SPTA1: variants seen among roughly 807,000 people sequenced by gnomAD.
SPTA1 encodes spectrin alpha chain, erythrocytic 1.
SPTA1 carries 177 observed loss-of-function variants against 324.7 expected under a neutral mutation model. That is an observed-to-expected ratio of 0.55 (90% CI 0.48 to 0.62). The LOEUF is 0.62. Ranked by LOEUF, SPTA1 falls within the 20% of genes least tolerant of loss-of-function variation. The probability of loss-of-function intolerance (pLI) is 0.00; values close to 1 mark genes in which losing one functional copy is unlikely to be tolerated. For synonymous variants in SPTA1, 1,195 were observed against 1,041.3 expected (o/e 1.15, Z -2.84); for missense variants, 3,162 against 2,883.6 (o/e 1.10, Z -2.21).
At chr1:158,665,684 G>A (rs1341153260) in intron 16 of SPTA1, among the ~76,000 whole-genome samples, 1 of 152,150 alleles carries the variant, frequency 6.6e-6, no homozygotes, top group Non-Finnish European at 1.5e-5. Flanking sequence ...TGGCTCTGTT[G>A]TTAATTTTCG....
chr1:158,634,917 CTT>C (rs1650954533), intron 38 of SPTA1, among the ~76,000 whole-genome samples: 1 of 152,136 alleles, frequency 6.6e-6, no homozygotes, highest in African/African-American at 2.4e-5. Flanking sequence ...TCTTAAGAAA[CTT>C]TGCTGGAGGG....
rs7542279 is a variant in SPTA1 at position 158,665,066 on chromosome 1, C to T, written c.2220+1250G>A. 8.8e-3 allele frequency among the ~76,000 whole-genome samples: 1,338 copies of T among 152,190 alleles called. 18 individuals carry two copies. The highest frequency in any genetic ancestry group is 0.03 in the African/African-American group (1,260 of 41,512). ...GCATGTATCATTTCTTTGCCTCTAC[C>T]CACATTAGGAGTTCAAATTCCTGGT... On this transcript the variant is annotated intron_variant, in intron 16 of 51. Coordinates refer to ENST00000643759, the MANE Select transcript of SPTA1 (RefSeq NM_003126.4).
Position 158,680,734 on chromosome 1 carries a change from A to G in SPTA1, c.532-5T>C. On this transcript the variant is annotated splice_polypyrimidine_tract_variant and splice_region_variant and intron_variant, in intron 4 of 51. Transcript: ENST00000643759. ...CACTGATGTCGCTATAGCCTCCTGT[A>G]GACACAGAAGTTGATTGAGTTGCCA... The G allele has an allele frequency of 6.2e-7, 1 of 1,613,578 alleles. No individual in the cohort carries two copies. Among genetic ancestry groups the G allele is most frequent in the Non-Finnish European group, 8.5e-7 (1 of 1,179,748 alleles).
At chr1:158,649,634 T>G (rs1652270231) in intron 25 of SPTA1, among the ~76,000 whole-genome samples, 1 of 152,224 alleles carries the variant, frequency 6.6e-6, no homozygotes, top group Admixed American at 6.5e-5. Context: ...ACTAATTATG[T>G]TCCAAGGCCC....
chr1:158,680,043 A>G (rs420284), intron 5 of SPTA1, among the ~76,000 whole-genome samples: 11 of 152,066 alleles, frequency 7.2e-5, no homozygotes, highest in Non-Finnish European at 1.5e-4. Context: ...ATACTTACAT[A>G]TACATGTAAA....
chr1:158,627,099 T>C, intron 40 of SPTA1, 92 bp from the exon 41 acceptor site: 1 of 1,516,656 alleles, frequency 6.6e-7, no homozygotes, highest in Non-Finnish European at 9.1e-7. Context: ...ATCTCTCCCA[T>C]TTCAAATATA....
intron 21 of SPTA1, among the ~76,000 whole-genome samples, 173 bp downstream of exon 21, chr1:158,654,438 T>C (rs112405564): frequency 0.012 from 1,852 of 152,316 alleles, 33 homozygotes; most frequent in African/African-American, 0.042. Flanking sequence ...AAGATATGTG[T>C]AGGATCCTGC....
Position 158,638,139 on chromosome 1 carries a change from A to G in SPTA1, c.5083T>C (p.Phe1695Leu). 3 of 1,614,060 alleles carry G rather than the reference A, an allele frequency of 1.9e-6. No individual in the cohort carries two copies. The highest frequency in any genetic ancestry group is 1.7e-5 in the Admixed American group (1 of 59,956). Residue 1695 changes from phenylalanine (F) to leucine (L), a missense_variant, in exon 36 of 52, where the codon TTC becomes CTC. By Grantham distance (22) the Phe-to-Leu change is conservative. Coordinates refer to ENST00000643759, the MANE Select transcript of SPTA1 (RefSeq NM_003126.4). ...VKKKDNVNKR[F>L]LNVQELAAAH... The stretch of plus-strand genomic sequence containing the variant: ...GCTGCCAATTCTTGGACATTCAGGA[A>G]ACGCTTGTTGACATTATCTTTTTTC...
rs371752399 is a variant in SPTA1 at position 158,623,179 on chromosome 1, G to A, written c.5924C>T (p.Ala1975Val). ...TLLAKQDTLD[A>V]SLQSFQQERL... Reference sequence around the variant, plus strand: ...CTCTTGCTGGAAACTCTGCAGACTGGCATCCAGAGTGTCCTGAGAAAGATC... The same window carrying A: ...CTCTTGCTGGAAACTCTGCAGACTGACATCCAGAGTGTCCTGAGAAAGATC... Residue 1975 changes from alanine (A) to valine (V), a missense_variant, in exon 43 of 52, where the codon GCC becomes GTC. Physicochemically the swap from Ala to Val is moderately conservative, Grantham distance 64 (BLOSUM62 0). Transcript: ENST00000643759. The A allele has an allele frequency of 3.3e-5, 54 of 1,614,000 alleles. No homozygotes were observed. Among genetic ancestry groups the A allele is most frequent in the Non-Finnish European group, 3.9e-5 (46 of 1,180,008 alleles).
At chr1:158,614,197 C>T in intron 49 of SPTA1, 56 bp downstream of exon 49, 1 of 1,313,358 alleles carries the variant, frequency 7.6e-7, no homozygotes, top group Non-Finnish European at 1.1e-6. Flanking sequence ...TATTTGTAGA[C>T]TCATTCTGAA....
Position 158,685,277 on chromosome 1 carries a change from A to G in SPTA1, c.95T>C (p.Leu32Ser). 6 of 1,613,794 alleles carry G rather than the reference A, an allele frequency of 3.7e-6. No individual in the cohort carries two copies. Among genetic ancestry groups the G allele is most frequent in the Middle Eastern group, 1.7e-4 (1 of 6,060 alleles). Residue 32 changes from leucine to serine, a missense_variant, in exon 2 of 52, where the codon TTG (leucine) becomes TCG (serine). Coordinates refer to ENST00000643759, the MANE Select transcript of SPTA1 (RefSeq NM_003126.4). ...EEIQERRQEV[L>S]TRYQSFKERV... is the part of the protein sequence containing the mutation. ...CTCCTTGAAACTTTGATACCGAGTC[A>G]ACACTTCCTGACGCCTCTCCTGGAT... is the stretch of plus-strand genomic sequence containing the variant.
intron 17 of SPTA1, among the ~76,000 whole-genome samples, chr1:158,661,980 G>C (rs1161346000): frequency 6.6e-6 from 1 of 152,176 alleles, no homozygotes. Context: ...AAATCCTGCT[G>C]TCTGCTTTAT....
At chr1:158,625,655 C>T (rs1650221391) in intron 42 of SPTA1, among the ~76,000 whole-genome samples, 1 of 150,548 alleles carries the variant, frequency 6.6e-6, no homozygotes, top group African/African-American at 2.4e-5. Flanking sequence ...TAGAATAAAC[C>T]AAATAAGAAA....
At chr1:158,617,632 T>G in intron 46 of SPTA1, 44 bp from the exon 47 acceptor site, 1 of 1,539,528 alleles carries the variant, frequency 6.5e-7, no homozygotes, top group Non-Finnish European at 9.0e-7. Context: ...ACATCACAGG[T>G]CAATATTTCA....
At position 158,669,402 on chromosome 1, in the gene SPTA1, G is replaced by A. The variant is rs1364680911; in HGVS notation, c.1833+6C>T. 2.5e-6 allele frequency: 4 copies of A among 1,614,030 alleles called. No homozygotes were observed. Among genetic ancestry groups the A allele is most frequent in the East Asian group, 4.5e-5 (2 of 44,880 alleles). On this transcript the variant is annotated splice_donor_region_variant and intron_variant, in intron 14 of 51. Transcript: ENST00000643759. Reference sequence around the variant, plus strand: ...ACTACATCCAGCTCCTGAAAACTCTGCCTACCTTGTAATCTTCATCATCTG... The same window carrying A: ...ACTACATCCAGCTCCTGAAAACTCTACCTACCTTGTAATCTTCATCATCTG...
chr1:158,681,465 T>C (rs1285354613), intron 4 of SPTA1, 62 bp downstream of exon 4: 1 of 1,611,912 alleles, frequency 6.2e-7, no homozygotes, highest in African/African-American at 1.3e-5. Context: ...AGTAATTTGC[T>C]ATGGGGTACC....
chr1:158,626,263 C>A lies in SPTA1; in HGVS notation c.5834-41G>T. 3 of 1,583,410 alleles carry A rather than the reference C, an allele frequency of 1.9e-6. No individual in the cohort carries two copies. In the South Asian group the frequency reaches 3.3e-5, roughly 18 times the overall value. ...AATTAAGAAGAGAAAGACATTTGGT[C>A]TTGTTTGAGTCCTGGGAAGCAGAAA... On this transcript the variant is annotated intron_variant, in intron 41 of 51. Coordinates refer to ENST00000643759, the MANE Select transcript of SPTA1 (RefSeq NM_003126.4).
In SPTA1 at chr1:158,613,774, C is replaced by T. The variant is rs2101746489; in HGVS notation, c.6936G>A (p.Glu2312=). ...TCTCAAACTTGGGCTCATGTTCATC[C>T]TCCTCCACCATGGGCAAGTAGTAAT... The part of the protein sequence containing the change: ...GLNYYLPMVE[E]DEHEPKFEKF... Residue 2312 remains glutamate (E), a synonymous_variant, in exon 50 of 52, where the codon GAG becomes GAA. Transcript: ENST00000643759. The T allele has an allele frequency of 1.9e-6, 3 of 1,613,890 alleles. No individual in the cohort carries two copies. The highest frequency in any genetic ancestry group is 2.2e-5 in the East Asian group (1 of 44,876).
rs368078960 is a variant in SPTA1, at chr1:158,681,521, C to G, written c.531+6G>C. On this transcript the variant is annotated splice_donor_region_variant and intron_variant, in intron 4 of 51. Transcript: ENST00000643759. ...CCCTGTGTGATTGCTGTTTTAAGTT[C>G]GATACCTTGTCTCCAATCCACTCTA... 1.9e-6 allele frequency: 3 copies of G among 1,613,396 alleles called. No individual in the cohort carries two copies. Among genetic ancestry groups the G allele is most frequent in the South Asian group, 1.1e-5 (1 of 91,070 alleles).
Sources: gnomAD v4.1 joint callset for allele counts (sites outside exome capture counted in the v4.1 genomes callset) on GRCh38, gnomAD v4.1.1 for gene constraint, MANE v1.5 for transcripts, NCBI Gene and HGNC (gene_info 2026-07-23, HGNC 2026-07-21) for gene names.